Variants in CADM2 observed in about 807,000 individuals in gnomAD.
CADM2 encodes the protein cell adhesion molecule 2.
Under a neutral mutation model 49.8 loss-of-function variants are expected in CADM2, and 12 were observed. The observed-to-expected ratio is 0.24, with a 90% confidence interval of 0.15 to 0.39. The LOEUF (loss-of-function observed/expected upper bound fraction) is 0.39. Ranked by LOEUF, CADM2 falls within the 10% of genes least tolerant of loss-of-function variation. The pLI, the probability that CADM2 is intolerant of heterozygous loss-of-function variation, is 1.00. For missense variants in CADM2, 378 were observed against 492.3 expected (o/e 0.77, Z 2.20); for synonymous variants, 214 against 175.4 (o/e 1.22, Z -1.74).
intron 7 of CADM2, among the ~76,000 whole-genome samples, chr3:85,943,679 T>C (rs11918000): frequency 0.067 from 10,147 of 151,902 alleles, 435 homozygotes; most frequent in East Asian, 0.13. Flanking sequence ...CAAAACAGCA[T>C]GGTACTGGTA....
chr3:85,802,003 T>TCCG, intron 2 of CADM2, 44 bp from the exon 3 acceptor site: 1 of 1,373,684 alleles, frequency 7.3e-7, no homozygotes, highest in Non-Finnish European at 9.6e-7. Context: ...GTTAATCATT[T>TCCG]TATGACTTTC....
chr3:85,285,597 G>A (rs2043615315), intron 1 of CADM2, among the ~76,000 whole-genome samples: 1 of 151,918 alleles, frequency 6.6e-6, no homozygotes, highest in African/African-American at 2.4e-5. Context: ...ATAAGTGCAA[G>A]AATAAAATAT....
chr3:85,505,329 A>T (rs1333355733), intron 1 of CADM2, among the ~76,000 whole-genome samples: 1 of 152,246 alleles, frequency 6.6e-6, no homozygotes, highest in East Asian at 1.9e-4. Context: ...AAATGTGCTC[A>T]CAGGATCACA....
intron 1 of CADM2, among the ~76,000 whole-genome samples, chr3:85,542,479 C>A (rs1249273995): frequency 6.6e-6 from 1 of 152,094 alleles, no homozygotes; most frequent in African/African-American, 2.4e-5. Context: ...AGATAACTTG[C>A]ATATTATATT....
At chr3:85,292,973 G>A (rs891264199) in intron 1 of CADM2, among the ~76,000 whole-genome samples, 1 of 151,744 alleles carries the variant, frequency 6.6e-6, no homozygotes, top group Non-Finnish European at 1.5e-5. Context: ...GACACAAAAA[G>A]CCCTTCAAAA....
chr3:85,168,792 T>C (rs1391359392), intron 1 of CADM2, among the ~76,000 whole-genome samples: 1 of 152,148 alleles, frequency 6.6e-6, no homozygotes, highest in African/African-American at 2.4e-5. Context: ...ATCATAGTTA[T>C]CATTTTATTG....
chr3:85,896,926 A>G (rs1715292446), intron 5 of CADM2, among the ~76,000 whole-genome samples: 1 of 152,200 alleles, frequency 6.6e-6, no homozygotes, highest in Non-Finnish European at 1.5e-5. Context: ...CTGGTTTTAA[A>G]GTAGACTTAC....
At chr3:86,004,922 T>C (rs1730600364) in intron 8 of CADM2, among the ~76,000 whole-genome samples, 1 of 152,196 alleles carries the variant, frequency 6.6e-6, no homozygotes, top group Admixed American at 6.5e-5. Flanking sequence ...GCTCTTGATC[T>C]ACAGAAGGCC....
chr3:85,981,534 G>C (rs1011864574), intron 8 of CADM2, among the ~76,000 whole-genome samples: 1 of 151,568 alleles, frequency 6.6e-6, no homozygotes, highest in Non-Finnish European at 1.5e-5. Context: ...CTAGGTCCCA[G>C]TATCTATTGT....
intron 1 of CADM2, among the ~76,000 whole-genome samples, chr3:85,641,424 T>C (rs2064708048): frequency 6.6e-6 from 1 of 152,178 alleles, no homozygotes; most frequent in Non-Finnish European, 1.5e-5. Flanking sequence ...TCATATGAAA[T>C]GGAAAATTAT....
At chr3:85,416,686 T>A (rs1352050399) in intron 1 of CADM2, among the ~76,000 whole-genome samples, 4 of 152,102 alleles carry the variant, frequency 2.6e-5, no homozygotes, top group Admixed American at 6.5e-5. Context: ...ACGAAAAAAA[T>A]TTCACAAAAG....
intron 3 of CADM2, among the ~76,000 whole-genome samples, chr3:85,807,208 A>T (rs753796109): frequency 6.6e-6 from 1 of 152,136 alleles, no homozygotes; most frequent in South Asian, 2.1e-4. Flanking sequence ...ACATAGATTA[A>T]GACAGAAGGG....
chr3:85,632,503 T>G (rs2064344108), intron 1 of CADM2, among the ~76,000 whole-genome samples: 2 of 152,164 alleles, frequency 1.3e-5, no homozygotes, highest in Admixed American at 6.6e-5. Context: ...GAGCCTTTTG[T>G]TGGCTGAAAT....
intron 1 of CADM2, among the ~76,000 whole-genome samples, chr3:85,473,353 A>G (rs1322785187): frequency 6.6e-6 from 1 of 152,050 alleles, no homozygotes; most frequent in African/African-American, 2.4e-5. Flanking sequence ...TTTACTCTTG[A>G]CAAGTAGCTC....
At chr3:85,689,268 A>G (rs2066310233) in intron 1 of CADM2, among the ~76,000 whole-genome samples, 1 of 152,156 alleles carries the variant, frequency 6.6e-6, no homozygotes, top group Admixed American at 6.6e-5. Flanking sequence ...GGGTAGGGAG[A>G]GGCAGGGAGG....
rs796467067 is a variant in CADM2, at chr3:85,898,937, G to GTGTGTATATATATATATATATA, written c.529+12611_529+12612insGTGTATATATATATATATATAT. Among the ~76,000 whole-genome samples, 274 of 46,634 alleles carry GTGTGTATATATATATATATATA rather than the reference G, an allele frequency of 5.9e-3. 19 individuals carry two copies. Among genetic ancestry groups the GTGTGTATATATATATATATATA allele is most frequent in the Middle Eastern group, 0.015 (1 of 66 alleles). 30.6% of individuals were successfully genotyped at this position (46,634 alleles called of 152,430 possible). ...TCATAAAATCCAATTCATTTATTGT[G>GTGTGTATATATATATATATATA]TATATATATATATATATATTTTTTT... is the stretch of plus-strand genomic sequence containing the variant. On this transcript the variant is annotated intron_variant, in intron 5 of 9. Transcript: ENST00000383699.
At chr3:85,722,512 C>T (rs1464002863) in intron 1 of CADM2, among the ~76,000 whole-genome samples, 1 of 152,118 alleles carries the variant, frequency 6.6e-6, no homozygotes, top group African/African-American at 2.4e-5. Context: ...ATACAAAGAT[C>T]CATAGTGCTT....
intron 1 of CADM2, among the ~76,000 whole-genome samples, chr3:85,645,125 G>A (rs2064843508): frequency 1.3e-5 from 2 of 151,644 alleles, no homozygotes; most frequent in East Asian, 1.9e-4. Flanking sequence ...AGTATCATAT[G>A]GAATACATTC....
At chr3:85,394,170 AT>A (rs757084939) in intron 1 of CADM2, among the ~76,000 whole-genome samples, 1 of 152,166 alleles carries the variant, frequency 6.6e-6, no homozygotes. Flanking sequence ...TTTACAAATA[AT>A]TTTTTTAATT....
Sources: allele counts gnomAD v4.1 joint callset (sites outside exome capture counted in the v4.1 genomes callset), GRCh38; gene constraint gnomAD v4.1.1; transcripts MANE v1.5; gene names NCBI Gene and HGNC (gene_info 2026-07-23, HGNC 2026-07-21).